The following DRD1 variants were observed in gnomAD, a reference collection of about 807,000 sequenced individuals.
DRD1 encodes the protein D(1A) dopamine receptor.
A neutral mutation model predicts 23.8 loss-of-function variants in DRD1; 2 were observed. The observed-to-expected ratio is 0.08, with a 90% CI of 0.03 to 0.26. DRD1 has a LOEUF of 0.26. Ranked by LOEUF, DRD1 falls within the 10% of genes least tolerant of loss-of-function variation. The pLI, the probability that DRD1 is intolerant of heterozygous loss-of-function variation, is 1.00. For missense variants in DRD1, 376 were observed against 559.0 expected, an observed-to-expected ratio of 0.67 and a Z score of 3.30; for synonymous variants, 218 against 225.7, an observed-to-expected ratio of 0.97 and a Z score of 0.30.
rs1758512688 is a variant in DRD1 at position 175,441,141 on chromosome 5, G to A, written c.*618C>T. On this transcript the variant is annotated 3_prime_UTR_variant, in exon 2 of 2. Transcript: ENST00000393752. ...CCAGAAATGTGGTTGTAAGGTCTTG[G>A]ATAAAACTCATTAATTTATCCTATT... The A allele has an allele frequency of 6.6e-6, 1 of 151,990 alleles. No homozygotes were observed. The highest frequency in any genetic ancestry group is 2.1e-4 in the South Asian group (1 of 4,812). 9.4% of individuals were successfully genotyped at this position (151,990 alleles called of 1,614,324 possible).
chr5:175,440,212 G>A lies in DRD1; in HGVS notation c.*1547C>T, dbSNP rs532982236. 9 of 152,148 alleles carry A rather than the reference G, an allele frequency of 5.9e-5. No homozygotes were observed. Among genetic ancestry groups the A allele is most frequent in the South Asian group, 4.1e-4 (2 of 4,822 alleles). 9.4% of individuals were successfully genotyped at this position (152,148 alleles called of 1,614,324 possible). Reference sequence around the variant, plus strand: ...GTTCATTGCTTATCAAGAAGAATACGTTGTAAACATTTCAAAGAAACTCTG... The same window carrying A: ...GTTCATTGCTTATCAAGAAGAATACATTGTAAACATTTCAAAGAAACTCTG... On this transcript the variant is annotated 3_prime_UTR_variant, in exon 2 of 2. Transcript: ENST00000393752.
At position 175,442,339 on chromosome 5, in the gene DRD1, G is replaced by T; in HGVS notation, c.761C>A (p.Ser254Tyr). 2 of 1,614,106 alleles carry T rather than the reference G, an allele frequency of 1.2e-6. No individual in the cohort carries two copies. Among genetic ancestry groups the T allele is most frequent in the South Asian group, 1.1e-5 (1 of 91,080 alleles). The change falls in exon 2 of 2, where the codon TCT (serine) becomes TAT (tyrosine). Residue 254 changes from serine (S) to tyrosine (Y), a missense_variant. By Grantham distance (144) the Ser-to-Tyr change is moderately radical. This residue lies in a region of DRD1 where 44 missense variants were observed against 46.7 expected (regional missense o/e 0.94). Coordinates refer to ENST00000393752, the MANE Select transcript of DRD1 (RefSeq NM_000794.5). This position sits in a 1 kb window ranked among gnomAD's most constrained non-coding sequence, Gnocchi z 7.3. ...TTGNGKPVEC[S>Y]QPESSFKMSF... ...CATCTTAAAAGAACTTTCCGGTTGA[G>T]AACATTCGACAGGCTTTCCATTACC...
rs141925440 is a variant in DRD1, at chr5:175,442,116, G to A, written c.984C>T (p.Pro328=). The change falls in exon 2 of 2, where the codon CCC becomes CCT. Residue 328 remains proline, a synonymous_variant. Transcript: ENST00000393752. This position sits in a 1 kb window ranked among gnomAD's most constrained non-coding sequence, Gnocchi z 7.3. Reference sequence around the variant, plus strand: ...AATCAGCATTAAAGGCATAAATGATGGGGTTCAAGGATGAATTAGCCCACC... The same window carrying A: ...AATCAGCATTAAAGGCATAAATGATAGGGTTCAAGGATGAATTAGCCCACC... ...WFGWANSSLN[P]IIYAFNADFR... is the part of the protein sequence containing the mutation. 154 of 1,614,098 alleles carry A rather than the reference G, an allele frequency of 9.5e-5. 1 individual carries two copies. The highest frequency in any genetic ancestry group is 4.9e-4 in the Middle Eastern group (3 of 6,062).
Position 175,440,279 on chromosome 5 carries a change from T to C in DRD1, c.*1480A>G, listed in dbSNP as rs1346972418. 6.6e-6 allele frequency: 1 copy of C among 152,186 alleles called. No individual in the cohort carries two copies. Among genetic ancestry groups the C allele is most frequent in the African/African-American group, 2.4e-5 (1 of 41,458 alleles). The allele number at this position is 152,186 out of a possible 1,614,324, so 9.4% of individuals were successfully genotyped here. On this transcript the variant is annotated 3_prime_UTR_variant, in exon 2 of 2. Coordinates refer to ENST00000393752, the MANE Select transcript of DRD1 (RefSeq NM_000794.5). ...GTTGGCATCTGGCAAGGGAGGCTTA[T>C]GATACTTTTTACAGTCCGGGTGATG...
In DRD1 at chr5:175,441,844, G is replaced by A. The variant is rs1758523664; in HGVS notation, c.1256C>T (p.Ala419Val). 6.2e-7 allele frequency: 1 copy of A among 1,613,988 alleles called. No homozygotes were observed. Among genetic ancestry groups the A allele is most frequent in the African/African-American group, 1.3e-5 (1 of 75,034 alleles). The change falls in exon 2 of 2, where the codon GCC becomes GTC. Residue 419 changes from alanine (A) to valine (V), a missense_variant. By Grantham distance (64) the Ala-to-Val change is moderately conservative. Coordinates refer to ENST00000393752, the MANE Select transcript of DRD1 (RefSeq NM_000794.5). ...GTCATAGTCCAATATGACTGATAGG[G>A]CTGGGGACAGCTTCTCCAAGGGTCT... ...IARPLEKLSP[A>V]LSVILDYDTD...
chr5:175,442,499 T>C lies in DRD1; in HGVS notation c.601A>G (p.Ile201Val). The change falls in exon 2 of 2, where the codon ATA (isoleucine) becomes GTA (valine). Residue 201 changes from isoleucine to valine, a missense_variant. This residue lies in a region of DRD1 where 121 missense variants were observed against 239.4 expected (regional missense o/e 0.51). Coordinates refer to ENST00000393752, the MANE Select transcript of DRD1 (RefSeq NM_000794.5). This position sits in a 1 kb window ranked among gnomAD's most constrained non-coding sequence, Gnocchi z 7.3. Reference sequence around the variant, plus strand: ...ATGGCCACAGGGATGTAAAAGCTTATTACAGAGGATGAGATGGCATATGTC... The same window carrying C: ...ATGGCCACAGGGATGTAAAAGCTTACTACAGAGGATGAGATGGCATATGTC... ...SRTYAISSSV[I>V]SFYIPVAIMI... The C allele has an allele frequency of 6.2e-7, 1 of 1,614,172 alleles. No homozygotes were observed. The highest frequency in any genetic ancestry group is 8.5e-7 in the Non-Finnish European group (1 of 1,180,030).
chr5:175,440,517 T>A lies in DRD1; in HGVS notation c.*1242A>T, dbSNP rs1758503234. On this transcript the variant is annotated 3_prime_UTR_variant, in exon 2 of 2. Transcript: ENST00000393752. Reference sequence around the variant, plus strand: ...GACTCCTTTAAAAATCAGCTCTAAATTCAGATTAAAGCACTATAAAAAGTA... The same window carrying A: ...GACTCCTTTAAAAATCAGCTCTAAAATCAGATTAAAGCACTATAAAAAGTA... 1 of 152,638 alleles carries A rather than the reference T, an allele frequency of 6.6e-6. No individual in the cohort carries two copies. Among genetic ancestry groups the A allele is most frequent in the African/African-American group, 2.4e-5 (1 of 41,446 alleles). 9.5% of individuals were successfully genotyped at this position (152,638 alleles called of 1,614,324 possible).
Position 175,442,197 on chromosome 5 carries a change from C to T in DRD1, c.903G>A (p.Gly301=). ...LNCILPFCGS[G]ETQPFCIDSN... Reference sequence around the variant, plus strand: ...AATCAATGCAGAAGGGCTGCGTCTCCCCAGACCCACAGAAGGGCAAAATGC... The same window carrying T: ...AATCAATGCAGAAGGGCTGCGTCTCTCCAGACCCACAGAAGGGCAAAATGC... The change falls in exon 2 of 2, where the codon GGG becomes GGA. Residue 301 remains glycine (G), a synonymous_variant. Coordinates refer to ENST00000393752, the MANE Select transcript of DRD1 (RefSeq NM_000794.5). This position sits in a 1 kb window ranked among gnomAD's most constrained non-coding sequence, Gnocchi z 7.3. 6.2e-7 allele frequency: 1 copy of T among 1,614,122 alleles called. No individual in the cohort carries two copies. The highest frequency in any genetic ancestry group is 8.5e-7 in the Non-Finnish European group (1 of 1,180,036).
rs1758513423 is a variant in DRD1, at chr5:175,441,207, AT to A, written c.*551del. 1 of 151,834 alleles carries A rather than the reference AT, an allele frequency of 6.6e-6. No homozygotes were observed. Among genetic ancestry groups the A allele is most frequent in the South Asian group, 2.1e-4 (1 of 4,832 alleles). 9.4% of individuals were successfully genotyped at this position (151,834 alleles called of 1,614,324 possible). On this transcript the variant is annotated 3_prime_UTR_variant, in exon 2 of 2. Transcript: ENST00000393752. ...ATATTTATTATATCATAAATTAAAA[AT>A]ATCCATATATACAATAAATAAATAG...
chr5:175,441,984 G>A lies in DRD1; in HGVS notation c.1116C>T (p.Ser372=). Residue 372 remains serine, a synonymous_variant, in exon 2 of 2, where the codon TCC becomes TCT. Coordinates refer to ENST00000393752, the MANE Select transcript of DRD1 (RefSeq NM_000794.5). ...SINNNGAAMF[S]SHHEPRGSIS... is the part of the protein sequence containing the mutation. ...TGGAGCCTCGTGGCTCATGATGGCTGGAAAACATCGCGGCCCCATTGTTAT... is the reference window on the plus strand; with the variant it reads ...TGGAGCCTCGTGGCTCATGATGGCTAGAAAACATCGCGGCCCCATTGTTAT... 6.2e-7 allele frequency: 1 copy of A among 1,614,148 alleles called. No individual in the cohort carries two copies. The highest frequency in any genetic ancestry group is 8.5e-7 in the Non-Finnish European group (1 of 1,180,032).
rs144226767 is a variant in DRD1, at chr5:175,442,416, A to G, written c.684T>C (p.Ile228=). The G allele has an allele frequency of 6.4e-5, 104 of 1,614,076 alleles. No individual in the cohort carries two copies. Among genetic ancestry groups the G allele is most frequent in the Non-Finnish European group, 8.3e-5 (98 of 1,180,044 alleles). ...GGACTGCTGCCCTCTCCAAGGCCGC[A>G]ATGCGCCGTATTTGTTTCTGAGCAA... ...YRIAQKQIRR[I]AALERAAVHA... The change falls in exon 2 of 2, where the codon ATT becomes ATC. Residue 228 remains isoleucine, a synonymous_variant. Coordinates refer to ENST00000393752, the MANE Select transcript of DRD1 (RefSeq NM_000794.5). This position sits in a 1 kb window ranked among gnomAD's most constrained non-coding sequence, Gnocchi z 7.3.
chr5:175,442,725 G>T lies in DRD1; in HGVS notation c.375C>A (p.Ile125=). The part of the protein sequence containing the change: ...CVISVDRYWA[I]SSPFRYERKM... The stretch of plus-strand genomic sequence containing the variant: ...TTCTCTCATACCGGAAAGGGCTGGA[G>T]ATAGCCCAATACCTGTCCACGCTGA... Residue 125 remains isoleucine, a synonymous_variant, in exon 2 of 2, where the codon ATC becomes ATA. Coordinates refer to ENST00000393752, the MANE Select transcript of DRD1 (RefSeq NM_000794.5). This position sits in a 1 kb window ranked among gnomAD's most constrained non-coding sequence, Gnocchi z 7.3. 6 of 1,614,138 alleles carry T rather than the reference G, an allele frequency of 3.7e-6. No homozygotes were observed. The highest frequency in any genetic ancestry group is 5.1e-6 in the Non-Finnish European group (6 of 1,180,022).
At position 175,442,974 on chromosome 5, in the gene DRD1, C is replaced by T. The variant is rs768227443; in HGVS notation, c.126G>A (p.Thr42=). ...ACCTGATAACGGCAGCACAGACCAG[C>T]GTGTTCCCCAGGAGCGTGGACAGGA... ...LLILSTLLGN[T]LVCAAVIRFR... Residue 42 remains threonine (T), a synonymous_variant, in exon 2 of 2, where the codon ACG becomes ACA. Transcript: ENST00000393752. This position sits in a 1 kb window ranked among gnomAD's most constrained non-coding sequence, Gnocchi z 7.3. 5 of 1,613,924 alleles carry T rather than the reference C, an allele frequency of 3.1e-6. No individual in the cohort carries two copies. The highest frequency in any genetic ancestry group is 2.2e-5 in the East Asian group (1 of 44,884).
chr5:175,440,701 G>T lies in DRD1; in HGVS notation c.*1058C>A, dbSNP rs1283178374. 1 of 152,616 alleles carries T rather than the reference G, an allele frequency of 6.6e-6. No homozygotes were observed. Among genetic ancestry groups the T allele is most frequent in the African/African-American group, 2.4e-5 (1 of 41,436 alleles). 9.5% of individuals were successfully genotyped at this position (152,616 alleles called of 1,614,324 possible). A position where few individuals can be genotyped will look rare whatever the true frequency, so the allele number is the denominator to read the frequency against. On this transcript the variant is annotated 3_prime_UTR_variant, in exon 2 of 2. Coordinates refer to ENST00000393752, the MANE Select transcript of DRD1 (RefSeq NM_000794.5). ...AAAAACTACCTGACACATGAAATGA[G>T]AAAAGATGGAGAGGGCCAATTATTT...
chr5:175,441,112 A>G lies in DRD1; in HGVS notation c.*647T>C, dbSNP rs1251721587. The stretch of plus-strand genomic sequence containing the variant: ...CATTGGCTTATAAAGTGCTAGTTAA[A>G]TGGCCAGAAATGTGGTTGTAAGGTC... On this transcript the variant is annotated 3_prime_UTR_variant, in exon 2 of 2. Coordinates refer to ENST00000393752, the MANE Select transcript of DRD1 (RefSeq NM_000794.5). The G allele has an allele frequency of 6.6e-6, 1 of 152,552 alleles. No homozygotes were observed. Among genetic ancestry groups the G allele is most frequent in the African/African-American group, 2.4e-5 (1 of 41,440 alleles). The allele number at this position is 152,552 out of a possible 1,614,324, so 9.4% of individuals were successfully genotyped here.
rs760024652 is a variant in DRD1 at position 175,442,002 on chromosome 5, A to T, written c.1098T>A (p.Asn366Lys). ...GATGGCTGGAAAACATCGCGGCCCC[A>T]TTGTTATTGATACTCACCGTCTCTA... Reference protein sequence around the residue: ...NAIETVSINNNGAAMFSSHHE... With the variant: ...NAIETVSINNKGAAMFSSHHE... Residue 366 changes from asparagine (N) to lysine (K), a missense_variant, in exon 2 of 2, where the codon AAT becomes AAA. By Grantham distance (94) the Asn-to-Lys change is moderately conservative. Transcript: ENST00000393752. The surrounding 1 kb of genome is among the most constrained non-coding windows in gnomAD (Gnocchi z 7.3). 8.1e-6 allele frequency: 13 copies of T among 1,614,154 alleles called. No homozygotes were observed. The highest frequency in any genetic ancestry group is 9.3e-6 in the Non-Finnish European group (11 of 1,180,028).
rs755827909 is a variant in DRD1 at position 175,441,938 on chromosome 5, C to T, written c.1162G>A (p.Val388Ile). ...RGSISKECNL[V>I]YLIPHAVGSS... The stretch of plus-strand genomic sequence containing the variant: ...CCCACAGCATGTGGGATCAGGTAAA[C>T]CAGATTGCACTCCTTGGAGATGGAG... The change falls in exon 2 of 2, where the codon GTT becomes ATT. Residue 388 changes from valine to isoleucine, a missense_variant. Around this residue, in one of 5 missense-constraint regions of DRD1, gnomAD observed 117 missense variants for 126.9 expected, o/e 0.92. Coordinates refer to ENST00000393752, the MANE Select transcript of DRD1 (RefSeq NM_000794.5). 5 of 1,614,120 alleles carry T rather than the reference C, an allele frequency of 3.1e-6. No individual in the cohort carries two copies. The highest frequency in any genetic ancestry group is 2.5e-6 in the Non-Finnish European group (3 of 1,180,010).
Position 175,443,106 on chromosome 5 carries a change from A to C in DRD1, c.-7T>G, listed in dbSNP as rs747717004. On this transcript the variant is annotated 5_prime_UTR_variant, in exon 2 of 2. It introduces an in-frame stop codon into an upstream open reading frame of the 5' UTR. Transcript: ENST00000393752. ...AGGTGTTCAGAGTCCTCATCTTCCT[A>C]AGAGAAAGCACATCAGGGGCTCTGA... 60 of 1,610,570 alleles carry C rather than the reference A, an allele frequency of 3.7e-5. No individual in the cohort carries two copies. The highest frequency in any genetic ancestry group is 4.5e-5 in the Non-Finnish European group (53 of 1,177,960).
Position 175,442,778 on chromosome 5 carries a change from T to C in DRD1, c.322A>G (p.Thr108Ala). 6.2e-7 allele frequency: 1 copy of C among 1,613,564 alleles called. No individual in the cohort carries two copies. The highest frequency in any genetic ancestry group is 8.5e-7 in the Non-Finnish European group (1 of 1,179,874). Residue 108 changes from threonine (T) to alanine (A), a missense_variant, in exon 2 of 2, where the codon ACT becomes GCT. Physicochemically the swap from Thr to Ala is moderately conservative, Grantham distance 58. Transcript: ENST00000393752. The surrounding 1 kb of genome is among the most constrained non-coding windows in gnomAD (Gnocchi z 7.3). ...IWVAFDIMCS[T>A]ASILNLCVIS... Reference sequence around the variant, plus strand: ...ACACAGAGGTTGAGGATGGATGCAGTGGAGCACATGATGTCAAAGGCCACC... The same window carrying C: ...ACACAGAGGTTGAGGATGGATGCAGCGGAGCACATGATGTCAAAGGCCACC...
Sources: gnomAD v4.1 joint callset for allele counts on GRCh38, gnomAD v4.1.1 for gene constraint, gnomAD v4.1.1 regional missense constraint, Gnocchi (gnomAD v3.1) non-coding constraint, MANE v1.5 for transcripts, NCBI Gene and HGNC (gene_info 2026-07-23, HGNC 2026-07-21) for gene names.